The following RAB3GAP2 variants were observed in gnomAD, a reference collection of about 807,000 sequenced individuals.
The protein encoded by RAB3GAP2 is rab3 GTPase-activating protein non-catalytic subunit.
Under a neutral mutation model 185.3 loss-of-function variants are expected in RAB3GAP2, and 87 were observed. The ratio of observed to expected loss-of-function variants is 0.47; its 90% CI spans 0.39 to 0.56. RAB3GAP2 has a LOEUF of 0.56. Ranked by LOEUF, RAB3GAP2 falls within the 20% of genes least tolerant of loss-of-function variation. The probability of loss-of-function intolerance (pLI) is 0.00; values close to 1 mark genes in which losing one functional copy is unlikely to be tolerated. For synonymous variants in RAB3GAP2, 554 were observed against 576.1 expected, an observed-to-expected ratio of 0.96 and a Z score of 0.55; for missense variants, 1,492 against 1,638.2, an observed-to-expected ratio of 0.91 and a Z score of 1.54.
chr1:220,186,541 G>C (rs1198943879), intron 17 of RAB3GAP2, among the ~76,000 whole-genome samples: 1 of 152,126 alleles, frequency 6.6e-6, no homozygotes, highest in Non-Finnish European at 1.5e-5. Context: ...GTGACTGTAA[G>C]AGGCCAGAAC....
rs1658872642 is a variant in RAB3GAP2, at chr1:220,202,128, G to A, written c.811+148C>T. On this transcript the variant is annotated intron_variant, in intron 9 of 34. Transcript: ENST00000358951. Reference sequence around the variant, plus strand: ...TGCAGTGAGCTGAGATCATGCCACTGCACTCCTGCCTGGGTGACAGAGCAA... The same window carrying A: ...TGCAGTGAGCTGAGATCATGCCACTACACTCCTGCCTGGGTGACAGAGCAA... The A allele has an allele frequency of 1.8e-5, 15 of 814,358 alleles. No homozygotes were observed. The South Asian group carries it at 3.2e-4, about 17-fold the overall frequency. 50.4% of individuals were successfully genotyped at this position (814,358 alleles called of 1,614,324 possible).
chr1:220,205,916 C>T lies in RAB3GAP2; in HGVS notation c.703G>A (p.Val235Ile). ...CTTGCCAAAATATTACCTTTTGCTA[C>T]CTGATTTCGACAAGCACGAAGAGAT... ...FQSLRACRNQ[V>I]AKAAASGNEN... Residue 235 changes from valine to isoleucine, a missense_variant, in exon 8 of 35, where the codon GTA becomes ATA. Physicochemically the swap from Val to Ile is conservative, Grantham distance 29 (BLOSUM62 3). Around this residue, in one of 5 missense-constraint regions of RAB3GAP2, gnomAD observed 243 missense variants for 314.8 expected, o/e 0.77. Coordinates refer to ENST00000358951, the MANE Select transcript of RAB3GAP2 (RefSeq NM_012414.4). 3 of 1,599,194 alleles carry T rather than the reference C, an allele frequency of 1.9e-6. No homozygotes were observed. The highest frequency in any genetic ancestry group is 1.7e-6 in the Non-Finnish European group (2 of 1,166,924).
At chr1:220,224,307 A>C (rs892895468) in intron 2 of RAB3GAP2, among the ~76,000 whole-genome samples, 1 of 152,184 alleles carries the variant, frequency 6.6e-6, no homozygotes, top group Non-Finnish European at 1.5e-5. Context: ...ATGTGCCAAC[A>C]TGAAACCAAA....
At chr1:220,153,856 G>T (rs537731357) in intron 32 of RAB3GAP2, 112 bp downstream of exon 32, 2 of 1,470,492 alleles carry the variant, frequency 1.4e-6, no homozygotes, top group Non-Finnish European at 1.9e-6. Context: ...GTGCTGTTTG[G>T]TTTTCTGTCC....
chr1:220,251,493 T>C (rs75430548), intron 1 of RAB3GAP2, among the ~76,000 whole-genome samples: 10,491 of 152,314 alleles, frequency 0.069, 484 homozygotes, highest in South Asian at 0.12. Context: ...ATAGTTAATT[T>C]ACAAAGCAAG....
rs1295341495 is a variant in RAB3GAP2 at position 220,158,003 on chromosome 1, A to G, written c.3262-127T>C. 1 of 749,544 alleles carries G rather than the reference A, an allele frequency of 1.3e-6. No individual in the cohort carries two copies. The highest frequency in any genetic ancestry group is 1.7e-5 in the African/African-American group (1 of 57,678). The allele number at this position is 749,544 out of a possible 1,614,324, so 46.4% of individuals were successfully genotyped here. The stretch of plus-strand genomic sequence containing the variant: ...TTCCACACTGAATAGACAGGCAAGA[A>G]TTTGAAAGTCAAGGCATTAGCATAT... On this transcript the variant is annotated intron_variant, in intron 29 of 34. Transcript: ENST00000358951. The surrounding 1 kb of genome is among the most constrained non-coding windows in gnomAD (Gnocchi z 4.3).
At chr1:220,190,023 T>TAGA in intron 16 of RAB3GAP2, 41 bp downstream of exon 16, 1 of 1,440,950 alleles carries the variant, frequency 6.9e-7, no homozygotes, top group Non-Finnish European at 9.8e-7. Flanking sequence ...TAAAAGATGA[T>TAGA]AGAACAATAT....
intron 2 of RAB3GAP2, among the ~76,000 whole-genome samples, chr1:220,232,399 T>G (rs1248680934): frequency 1.3e-5 from 2 of 151,756 alleles, no homozygotes; most frequent in African/African-American, 4.8e-5. Flanking sequence ...AAAAGAGGAG[T>G]ATTGGCCCAT....
chr1:220,203,969 A>C lies in RAB3GAP2; in HGVS notation c.713-1595T>G, dbSNP rs183650161. On this transcript the variant is annotated intron_variant, in intron 8 of 34. Coordinates refer to ENST00000358951, the MANE Select transcript of RAB3GAP2 (RefSeq NM_012414.4). ...TACAGTTGTTAAAATATGGAAAAGAAAAGTCTTATAATCAGTGAAAATATG... is the reference window on the plus strand; with the variant it reads ...TACAGTTGTTAAAATATGGAAAAGACAAGTCTTATAATCAGTGAAAATATG... 5.4e-3 allele frequency among the ~76,000 whole-genome samples: 821 copies of C among 152,304 alleles called. 5 individuals are homozygous for C. The highest frequency in any genetic ancestry group is 0.019 in the African/African-American group (771 of 41,580).
intron 27 of RAB3GAP2, 56 bp from the exon 28 acceptor site, chr1:220,162,324 C>T (rs1023585511): frequency 2.5e-6 from 3 of 1,189,564 alleles, no homozygotes; most frequent in Admixed American, 3.4e-5. Flanking sequence ...ACTTTTATTA[C>T]ACATAAATTA....
At chr1:220,196,896 TA>T (rs1402656011) in intron 9 of RAB3GAP2, among the ~76,000 whole-genome samples, 5 of 152,058 alleles carry the variant, frequency 3.3e-5, no homozygotes, top group African/African-American at 1.2e-4. Flanking sequence ...TAGAATATCA[TA>T]AAAACAAAAT....
intron 2 of RAB3GAP2, among the ~76,000 whole-genome samples, chr1:220,215,946 T>C (rs1169122935): frequency 6.6e-6 from 1 of 152,172 alleles, no homozygotes; most frequent in African/African-American, 2.4e-5. Flanking sequence ...TTATAAAATT[T>C]AAAAGATTTT....
intron 3 of RAB3GAP2, 36 bp downstream of exon 3, chr1:220,213,820 C>G: frequency 6.3e-7 from 1 of 1,593,054 alleles, no homozygotes; most frequent in South Asian, 1.1e-5. Context: ...TCCAATGTAT[C>G]AAAATAAAGG....
chr1:220,210,919 A>G, intron 5 of RAB3GAP2, 36 bp downstream of exon 5: 1 of 1,613,868 alleles, frequency 6.2e-7, no homozygotes, highest in Admixed American at 1.7e-5. Context: ...TCATAAATCA[A>G]AGCAAAGAAA....
At chr1:220,178,514 T>C (rs1658338132) in intron 21 of RAB3GAP2, among the ~76,000 whole-genome samples, 1 of 152,134 alleles carries the variant, frequency 6.6e-6, no homozygotes, top group Admixed American at 6.5e-5. Flanking sequence ...AGTTAATGCG[T>C]ATAGGTTTTC....
chr1:220,224,645 G>T (rs150125402), intron 2 of RAB3GAP2, among the ~76,000 whole-genome samples: 47 of 152,104 alleles, frequency 3.1e-4, no homozygotes, highest in Admixed American at 1.0e-3. Context: ...AACAGTAAAA[G>T]AATTCTTTTT....
At chr1:220,249,800 T>C (rs1022006527) in intron 1 of RAB3GAP2, among the ~76,000 whole-genome samples, 3 of 152,212 alleles carry the variant, frequency 2.0e-5, no homozygotes, top group African/African-American at 7.2e-5. Context: ...GCTTAGGCCA[T>C]TGCTTCAGAG....
chr1:220,186,209 C>T (rs1485257034), intron 17 of RAB3GAP2, among the ~76,000 whole-genome samples: 12 of 152,084 alleles, frequency 7.9e-5, no homozygotes, highest in Admixed American at 7.9e-4. Context: ...ATACAGTACC[C>T]ACCCTTCCCT....
chr1:220,189,023 A>G (rs534745608), intron 17 of RAB3GAP2, among the ~76,000 whole-genome samples: 1 of 152,284 alleles, frequency 6.6e-6, no homozygotes, highest in South Asian at 2.1e-4. Flanking sequence ...GAATGACGTA[A>G]CTATAAAGTA....
Sources: gnomAD v4.1 joint callset for allele counts (sites outside exome capture counted in the v4.1 genomes callset) on GRCh38, gnomAD v4.1.1 for gene constraint, gnomAD v4.1.1 regional missense constraint, Gnocchi (gnomAD v3.1) non-coding constraint, MANE v1.5 for transcripts, NCBI Gene and HGNC (gene_info 2026-07-23, HGNC 2026-07-21) for gene names.